The following TTC6 variants were observed in gnomAD, a reference collection of about 807,000 sequenced individuals.
TTC6 encodes tetratricopeptide repeat domain 6, also known as tetratricopeptide repeat protein 6.
In TTC6, 172 loss-of-function variants were observed where a neutral mutation model predicts 210.4. That is an observed-to-expected ratio of 0.82 (90% CI 0.72 to 0.93). TTC6 has a LOEUF of 0.93. Ranked by LOEUF, TTC6 falls within the 40% of genes least tolerant of loss-of-function variation. The pLI is 0.00. For missense variants in TTC6, 2,414 were observed against 2,318.1 expected, an observed-to-expected ratio of 1.04 and a Z score of -0.85; for synonymous variants, 804 against 819.6, an observed-to-expected ratio of 0.98 and a Z score of 0.32.
intron 14 of TTC6, among the ~76,000 whole-genome samples, chr14:37,778,004 G>A (rs1402282011): frequency 6.6e-6 from 1 of 152,150 alleles, no homozygotes; most frequent in Non-Finnish European, 1.5e-5. Flanking sequence ...GGGCCAAGGT[G>A]TTCCCAGACC....
At chr14:37,630,175 G>T (rs539969332) in intron 1 of TTC6, among the ~76,000 whole-genome samples, 2 of 152,044 alleles carry the variant, frequency 1.3e-5, no homozygotes, top group African/African-American at 4.8e-5. Context: ...TCATGTTAGG[G>T]TATAGATTTT....
In TTC6 at chr14:37,751,085, G is replaced by A. The variant is rs747501497; in HGVS notation, c.2989G>A (p.Gly997Arg). 73 of 1,521,120 alleles carry A rather than the reference G, an allele frequency of 4.8e-5. No homozygotes were observed. In the African/African-American group the frequency reaches 8.8e-4, roughly 18 times the overall value. 94.2% of individuals were successfully genotyped at this position (1,521,120 alleles called of 1,614,324 possible). Residue 997 changes from glycine to arginine, a missense_variant, in exon 13 of 31, where the codon GGA (glycine) becomes AGA (arginine). Transcript: ENST00000553443. ...TTTGTCAAAAGCAGAAATTTACAGG[G>A]GAAAAAAAGACATAACTTTGGCAAT...
intron 10 of TTC6, among the ~76,000 whole-genome samples, chr14:37,740,428 A>G (rs562066902): frequency 6.6e-6 from 1 of 152,262 alleles, no homozygotes; most frequent in African/African-American, 2.4e-5. Flanking sequence ...ACATCACAAA[A>G]TTTATTAAAC....
chr14:37,674,419 C>G (rs901048592), intron 1 of TTC6, among the ~76,000 whole-genome samples: 1 of 151,982 alleles, frequency 6.6e-6, no homozygotes, highest in Non-Finnish European at 1.5e-5. Context: ...AATAGGCATC[C>G]TTATTTTGCT....
intron 5 of TTC6, among the ~76,000 whole-genome samples, chr14:37,712,132 T>A (rs865988745): frequency 6.6e-6 from 1 of 152,180 alleles, no homozygotes; most frequent in South Asian, 2.1e-4. Context: ...ACCAGAGCTA[T>A]GCACTTTAGA....
At chr14:37,780,376 G>A (rs981657175) in intron 14 of TTC6, among the ~76,000 whole-genome samples, 1 of 152,088 alleles carries the variant, frequency 6.6e-6, no homozygotes, top group Non-Finnish European at 1.5e-5. Context: ...ATCCATTAGC[G>A]ATTCTTCCTG....
At position 37,841,499 on chromosome 14, in the gene TTC6, C is replaced by A. The variant is rs751474216; in HGVS notation, c.5353C>A (p.Leu1785Ile). ...ATTTGATCCAGAAAATGAATATGTT[C>A]TCATGAATCGAGCTATTACAAATAC... is the stretch of plus-strand genomic sequence containing the variant. Residue 1785 changes from leucine to isoleucine, a missense_variant, in exon 30 of 31, where the codon CTC becomes ATC. Transcript: ENST00000553443. 39 of 1,596,888 alleles carry A rather than the reference C, an allele frequency of 2.4e-5. 1 individual carries two copies. The South Asian group carries it at 4.2e-4, about 17-fold the overall frequency.
At chr14:37,812,171 CAT>C in intron 24 of TTC6, 141 bp from the exon 27 acceptor site, 1 of 800,996 alleles carries the variant, frequency 1.2e-6, no homozygotes, top group Non-Finnish European at 1.9e-6. Context: ...TTAAATCTAA[CAT>C]ATGATTATTT....
chr14:37,806,256 A>G, intron 21 of TTC6, 105 bp from the exon 24 acceptor site: 1 of 1,175,802 alleles, frequency 8.5e-7, no homozygotes, highest in Non-Finnish European at 1.1e-6. Context: ...ATCCAAAAAT[A>G]GAGTGAAACT....
intron 21 of TTC6, 139 bp from the exon 24 acceptor site, chr14:37,806,222 A>G (rs868357608): frequency 4.6e-6 from 4 of 860,926 alleles, no homozygotes; most frequent in Middle Eastern, 3.8e-4. Context: ...CATGAGGTCC[A>G]TTAGGAGAAA....
At chr14:37,805,373 C>G (rs1354646276) in intron 21 of TTC6, among the ~76,000 whole-genome samples, 2 of 151,402 alleles carry the variant, frequency 1.3e-5, no homozygotes, top group African/African-American at 4.9e-5. Flanking sequence ...ATAATTGATA[C>G]TATCCAATGG....
intron 1 of TTC6, among the ~76,000 whole-genome samples, chr14:37,653,506 G>C (rs1471565954): frequency 6.6e-6 from 1 of 151,426 alleles, no homozygotes; most frequent in Non-Finnish European, 1.5e-5. Flanking sequence ...TTCAATTTTA[G>C]CTTCTTACTT....
chr14:37,682,934 T>G, exon 3 of TTC6: 1 of 1,535,522 alleles, frequency 6.5e-7, no homozygotes, highest in Non-Finnish European at 8.7e-7. Context: ...CCACAAGTGA[T>G]TCAAAAGAAG....
intron 4 of TTC6, among the ~76,000 whole-genome samples, chr14:37,697,844 G>T (rs1026381059): frequency 3.9e-5 from 6 of 152,096 alleles, no homozygotes; most frequent in Non-Finnish European, 8.8e-5. Flanking sequence ...GAAACTTCTT[G>T]ATTTTTTTTT....
chr14:37,708,315 T>C (rs985770834), intron 5 of TTC6, among the ~76,000 whole-genome samples: 1 of 152,022 alleles, frequency 6.6e-6, no homozygotes, highest in Non-Finnish European at 1.5e-5. Context: ...AATAAGGTAG[T>C]AATATTGTTA....
chr14:37,709,827 A>C (rs2095841757), intron 5 of TTC6, among the ~76,000 whole-genome samples: 2 of 152,138 alleles, frequency 1.3e-5, no homozygotes, highest in Admixed American at 1.3e-4. Context: ...ATTTCAAAGA[A>C]AAAAATTATA....
At chr14:37,632,413 G>A (rs1221226024) in intron 1 of TTC6, among the ~76,000 whole-genome samples, 1 of 152,190 alleles carries the variant, frequency 6.6e-6, no homozygotes, top group Non-Finnish European at 1.5e-5. Flanking sequence ...GAGATCCGCT[G>A]CAGACTCAGT....
At chr14:37,774,407 G>A (rs778528240) in intron 14 of TTC6, among the ~76,000 whole-genome samples, 11 of 151,974 alleles carry the variant, frequency 7.2e-5, no homozygotes, top group Non-Finnish European at 1.3e-4. Context: ...TGTCATCAAT[G>A]GCTCTTGTTA....
intron 20 of TTC6, among the ~76,000 whole-genome samples, chr14:37,797,764 T>C (rs938522232): frequency 2.6e-5 from 4 of 152,086 alleles, no homozygotes; most frequent in African/African-American, 7.2e-5. Context: ...CCTATTTTCT[T>C]TGGAAAGTTT....
Sources: allele counts gnomAD v4.1 joint callset (sites outside exome capture counted in the v4.1 genomes callset), GRCh38; gene constraint gnomAD v4.1.1; transcripts MANE v1.5; gene names NCBI Gene and HGNC (gene_info 2026-07-23, HGNC 2026-07-21).